The following RAB7A variants were observed in gnomAD, a reference collection of about 807,000 sequenced individuals.
The protein encoded by RAB7A is ras-related protein Rab-7a.
Under a neutral mutation model 24.5 loss-of-function variants are expected in RAB7A, and 2 were observed. The ratio of observed to expected loss-of-function variants is 0.08; its 90% CI spans 0.03 to 0.26. RAB7A has a LOEUF of 0.26. RAB7A is among the 10% of genes least tolerant of loss of function. The probability of loss-of-function intolerance (pLI) is 1.00; values close to 1 mark genes in which losing one functional copy is unlikely to be tolerated. For missense variants in RAB7A, 118 were observed against 255.7 expected (o/e 0.46, Z 3.67); for synonymous variants, 100 against 95.9 (o/e 1.04, Z -0.25).
rs1222293022 is a variant in RAB7A, at chr3:128,764,883, A to G, written c.-8-30477A>G. 1.7e-5 allele frequency: 24 copies of G among 1,380,090 alleles called. No homozygotes were observed. The East Asian group carries it at 5.2e-4, about 30-fold the overall frequency. 85.5% of individuals were successfully genotyped at this position (1,380,090 alleles called of 1,614,324 possible). A position where few individuals can be genotyped will look rare whatever the true frequency, so the allele number is the denominator to read the frequency against. ...TGGCAAAGTTCCTCAAAGCCACATCATCGCGGTCAAAGTTGTAAGACACGG... is the reference window on the plus strand; with the variant it reads ...TGGCAAAGTTCCTCAAAGCCACATCGTCGCGGTCAAAGTTGTAAGACACGG... On this transcript the variant is annotated intron_variant, in intron 1 of 5. Transcript: ENST00000265062.
chr3:128,787,379 A>C (rs1559792737), intron 1 of RAB7A, among the ~76,000 whole-genome samples: 1 of 152,220 alleles, frequency 6.6e-6, no homozygotes, highest in Non-Finnish European at 1.5e-5. Context: ...TCTTCACATC[A>C]GTGGTTTCCA....
chr3:128,781,928 C>T (rs982694687), intron 1 of RAB7A, among the ~76,000 whole-genome samples: 5 of 152,044 alleles, frequency 3.3e-5, no homozygotes, highest in Non-Finnish European at 1.5e-5. Context: ...CAGGAGAATC[C>T]CTTGAACTTG....
chr3:128,796,163 C>T (rs1485787043), intron 2 of RAB7A, among the ~76,000 whole-genome samples: 2 of 152,118 alleles, frequency 1.3e-5, no homozygotes, highest in African/African-American at 2.4e-5. Flanking sequence ...CTAGATGTGC[C>T]ACTAACCATG....
At chr3:128,775,694 G>A (rs1041711134) in intron 1 of RAB7A, among the ~76,000 whole-genome samples, 1 of 152,172 alleles carries the variant, frequency 6.6e-6, no homozygotes, top group Non-Finnish European at 1.5e-5. Flanking sequence ...TAAGGAAATT[G>A]TTGAGGAATA....
Position 128,759,871 on chromosome 3 carries a change from C to T in RAB7A, c.-9+33512C>T, listed in dbSNP as rs1056333153. Among the ~76,000 whole-genome samples the T allele has an allele frequency of 1.5e-4, 23 of 152,196 alleles. No homozygotes were observed. In the East Asian group the frequency reaches 2.1e-3, roughly 14 times the overall value. On this transcript the variant is annotated intron_variant, in intron 1 of 5. Transcript: ENST00000265062. ...AATTACAGGCATGCACCACCACGCC[C>T]GGCTAATTTTGTATTTTTAGTAGAG...
chr3:128,756,678 T>C (rs957627107), intron 1 of RAB7A, among the ~76,000 whole-genome samples: 2 of 152,034 alleles, frequency 1.3e-5, no homozygotes, highest in African/African-American at 4.8e-5. Context: ...CAGAAAATCA[T>C]GGGATCTCCA....
chr3:128,782,804 A>G (rs1933248947), intron 1 of RAB7A, among the ~76,000 whole-genome samples: 1 of 152,084 alleles, frequency 6.6e-6, no homozygotes. Context: ...AGTACTGTCT[A>G]TACGTTTTAA....
At chr3:128,809,936 C>CTT (rs869119619) in intron 5 of RAB7A, among the ~76,000 whole-genome samples, 753 of 52,218 alleles carry the variant, frequency 0.014, 191 homozygotes, top group African/African-American at 0.019. Context: ...TTGCCACAGT[C>CTT]TTTTTTTTTT....
chr3:128,795,454 G>A (rs147065732), intron 2 of RAB7A, 34 bp downstream of exon 2: 2 of 1,583,838 alleles, frequency 1.3e-6, no homozygotes, highest in African/African-American at 1.3e-5. Context: ...TAACAGATTG[G>A]CTTAGAGCTA....
At chr3:128,735,277 A>G (rs548356153) in intron 1 of RAB7A, among the ~76,000 whole-genome samples, 4 of 152,346 alleles carry the variant, frequency 2.6e-5, no homozygotes, top group South Asian at 4.1e-4. Context: ...AAAGAATGGC[A>G]TAAGTCAATG....
intron 1 of RAB7A, among the ~76,000 whole-genome samples, chr3:128,743,696 T>C (rs1184795401): frequency 6.6e-6 from 1 of 152,090 alleles, no homozygotes; most frequent in Non-Finnish European, 1.5e-5. Flanking sequence ...CTCATGCCTG[T>C]AACGCCAGCA....
At chr3:128,809,934 G>T (rs144110802) in intron 5 of RAB7A, among the ~76,000 whole-genome samples, 5,073 of 47,486 alleles carry the variant, frequency 0.11, 180 homozygotes, top group Middle Eastern at 0.18. Flanking sequence ...TCTTGCCACA[G>T]TCTTTTTTTT....
Position 128,797,923 on chromosome 3 carries a change from T to C in RAB7A, c.54-20T>C, listed in dbSNP as rs370926984. 59 of 1,612,370 alleles carry C rather than the reference T, an allele frequency of 3.7e-5. No homozygotes were observed. Among genetic ancestry groups the C allele is most frequent in the East Asian group, 3.3e-4 (15 of 44,858 alleles). ...GACCCTCCTATTTGACTTATACTTATGGTTTTTCTCCAATTTCAGAGTCGG... is the reference window on the plus strand; with the variant it reads ...GACCCTCCTATTTGACTTATACTTACGGTTTTTCTCCAATTTCAGAGTCGG... On this transcript the variant is annotated intron_variant, in intron 2 of 5. Transcript: ENST00000265062.
chr3:128,728,838 T>C (rs1472768293), intron 1 of RAB7A, among the ~76,000 whole-genome samples: 1 of 152,190 alleles, frequency 6.6e-6, no homozygotes, highest in Admixed American at 6.5e-5. Context: ...CTGCCATGTC[T>C]TTGAGCAAAG....
At chr3:128,763,183 T>G (rs1415719889) in intron 1 of RAB7A, among the ~76,000 whole-genome samples, 1 of 140,538 alleles carries the variant, frequency 7.1e-6, no homozygotes, top group African/African-American at 2.7e-5. Context: ...TTGAGTACAT[T>G]TAGCTTATAT....
chr3:128,785,746 CAA>C (rs35368201), intron 1 of RAB7A, among the ~76,000 whole-genome samples: 169 of 86,668 alleles, frequency 1.9e-3, no homozygotes, highest in African/African-American at 5.4e-3. Flanking sequence ...AAGACTGTCT[CAA>C]AAAAAAAAAA....
chr3:128,780,050 A>G (rs1933185376), intron 1 of RAB7A, among the ~76,000 whole-genome samples: 1 of 152,226 alleles, frequency 6.6e-6, no homozygotes, highest in Non-Finnish European at 1.5e-5. Context: ...TCTCATGCTG[A>G]TCATGTTCCT....
chr3:128,757,783 G>T (rs1374185192), intron 1 of RAB7A, among the ~76,000 whole-genome samples: 1 of 152,094 alleles, frequency 6.6e-6, no homozygotes, highest in Non-Finnish European at 1.5e-5. Context: ...CTCCCAGAGT[G>T]CTGGGATTAT....
At chr3:128,745,776 CCTTA>C (rs1576273358) in intron 1 of RAB7A, among the ~76,000 whole-genome samples, 1 of 152,208 alleles carries the variant, frequency 6.6e-6, no homozygotes, top group South Asian at 2.1e-4. Flanking sequence ...GGGACTCACC[CCTTA>C]CTTTGAATAG....
Sources: allele counts gnomAD v4.1 joint callset (sites outside exome capture counted in the v4.1 genomes callset), GRCh38; gene constraint gnomAD v4.1.1; transcripts MANE v1.5; gene names NCBI Gene and HGNC (gene_info 2026-07-23, HGNC 2026-07-21).